The following LGR6 variants were observed in gnomAD, a reference collection of about 807,000 sequenced individuals.
LGR6 encodes the protein leucine-rich repeat-containing G protein-coupled receptor 6.
Under a neutral mutation model 69.4 loss-of-function variants are expected in LGR6, and 45 were observed. That is an observed-to-expected ratio of 0.65 (90% CI 0.51 to 0.83). The LOEUF is 0.83. LGR6 is among the 40% of genes least tolerant of loss of function. The probability of loss-of-function intolerance (pLI) is 0.00; values close to 1 mark genes in which losing one functional copy is unlikely to be tolerated. For missense variants in LGR6, 1,108 were observed against 1,246.7 expected, an observed-to-expected ratio of 0.89 and a Z score of 1.68; for synonymous variants, 538 against 555.0, an observed-to-expected ratio of 0.97 and a Z score of 0.43.
At chr1:202,249,312 T>C (rs567701642) in intron 4 of LGR6, among the ~76,000 whole-genome samples, 64 of 152,204 alleles carry the variant, frequency 4.2e-4, no homozygotes, top group Non-Finnish European at 3.4e-4. Flanking sequence ...GAGACCCCAT[T>C]CTCCTAGATC....
At chr1:202,303,419 C>T in intron 10 of LGR6, 72 bp downstream of exon 10, 2 of 1,183,920 alleles carry the variant, frequency 1.7e-6, no homozygotes, top group Admixed American at 1.7e-5. Context: ...CACTCCCTGC[C>T]CCTGGAAGGC....
intron 4 of LGR6, among the ~76,000 whole-genome samples, chr1:202,256,321 G>A (rs895650616): frequency 6.6e-6 from 1 of 152,008 alleles, no homozygotes; most frequent in Non-Finnish European, 1.5e-5. Flanking sequence ...TTGGCTCACT[G>A]CAACCACTGT....
chr1:202,300,282 T>G (rs922404077), intron 7 of LGR6, among the ~76,000 whole-genome samples: 3 of 152,200 alleles, frequency 2.0e-5, no homozygotes, highest in Admixed American at 1.3e-4. Flanking sequence ...TCCCACAGGC[T>G]TCCTGAGGCC....
intron 1 of LGR6, among the ~76,000 whole-genome samples, chr1:202,205,355 C>CACACACCTCCAAAGACACACACACACCTA (rs1392138307): frequency 1.5e-5 from 1 of 66,416 alleles, no homozygotes; most frequent in Non-Finnish European, 3.1e-5. Flanking sequence ...CCTTCAAACA[C>CACACACCTCCAAAGACACACACACACCTA]ACACACACCT....
chr1:202,200,723 G>C (rs925284685), intron 1 of LGR6, among the ~76,000 whole-genome samples: 4 of 152,210 alleles, frequency 2.6e-5, no homozygotes, highest in African/African-American at 9.6e-5. Context: ...TGACAATTCA[G>C]GTCTCTCCTC....
In LGR6 at chr1:202,237,227, T is replaced by C. The variant is rs57359291; in HGVS notation, c.428+1234T>C. ...TGCTGGGCGTCTGGCCCCAGCCCTCTCCTCTCCCTCCATCCAGCCTCACCC... is the reference window on the plus strand; with the variant it reads ...TGCTGGGCGTCTGGCCCCAGCCCTCCCCTCTCCCTCCATCCAGCCTCACCC... On this transcript the variant is annotated intron_variant, in intron 4 of 17. Transcript: ENST00000367278. 4.3e-4 allele frequency among the ~76,000 whole-genome samples: 66 copies of C among 152,210 alleles called. No homozygotes were observed. The East Asian group carries it at 8.9e-3, about 21-fold the overall frequency.
At chr1:202,254,023 T>A (rs1663536602) in intron 4 of LGR6, among the ~76,000 whole-genome samples, 1 of 151,508 alleles carries the variant, frequency 6.6e-6, no homozygotes, top group Non-Finnish European at 1.5e-5. Flanking sequence ...GCCGGGATGG[T>A]CTCGATCTCC....
chr1:202,218,510 C>T (rs1314289036), intron 1 of LGR6, among the ~76,000 whole-genome samples: 1 of 152,106 alleles, frequency 6.6e-6, no homozygotes, highest in African/African-American at 2.4e-5. Flanking sequence ...GTTGTCCAGG[C>T]TCATGGGGTG....
At chr1:202,301,588 C>T (rs934812752) in intron 9 of LGR6, among the ~76,000 whole-genome samples, 14 of 152,220 alleles carry the variant, frequency 9.2e-5, no homozygotes, top group African/African-American at 1.4e-4. Flanking sequence ...GTTCTCAAGG[C>T]TGGTTCTCCT....
chr1:202,301,301 T>C, intron 9 of LGR6, 66 bp downstream of exon 9: 1 of 1,355,284 alleles, frequency 7.4e-7, no homozygotes, highest in Non-Finnish European at 1.1e-6. Context: ...TCTTGCTCTC[T>C]CCTGCCTATC....
intron 9 of LGR6, 125 bp from the exon 10 acceptor site, chr1:202,303,154 T>G: frequency 1.3e-6 from 1 of 757,700 alleles, no homozygotes; most frequent in East Asian, 2.5e-5. Context: ...TGAGGAAGAT[T>G]GCAGGGAAGC....
intron 4 of LGR6, among the ~76,000 whole-genome samples, chr1:202,249,925 C>T (rs771991027): frequency 9.2e-5 from 14 of 152,304 alleles, no homozygotes; most frequent in South Asian, 6.2e-4. Flanking sequence ...GATCATGTCA[C>T]TCCCCTGCTT....
intron 6 of LGR6, among the ~76,000 whole-genome samples, chr1:202,287,778 A>G (rs779681786): frequency 1.3e-5 from 2 of 152,142 alleles, no homozygotes; most frequent in African/African-American, 2.4e-5. Flanking sequence ...TATATTAAGA[A>G]TCTGACCACG....
At chr1:202,204,193 A>T (rs577123243) in intron 1 of LGR6, among the ~76,000 whole-genome samples, 1 of 145,586 alleles carries the variant, frequency 6.9e-6, no homozygotes, top group Non-Finnish European at 1.5e-5. Context: ...TTGGGATCAC[A>T]TCACAGACAC....
chr1:202,201,637 A>G (rs1019956804), intron 1 of LGR6, among the ~76,000 whole-genome samples: 1 of 152,190 alleles, frequency 6.6e-6, no homozygotes, highest in African/African-American at 2.4e-5. Context: ...CCAAACTCCA[A>G]GGGAATGAGC....
Position 202,315,019 on chromosome 1 carries a change from C to T in LGR6, c.1648+137C>T. The T allele has an allele frequency of 4.6e-6, 3 of 654,038 alleles. 1 individual carries two copies. Among genetic ancestry groups the T allele is most frequent in the Non-Finnish European group, 8.3e-6 (3 of 362,758 alleles). 40.5% of individuals were successfully genotyped at this position (654,038 alleles called of 1,614,324 possible). On this transcript the variant is annotated intron_variant, in intron 17 of 17. Coordinates refer to ENST00000367278, the MANE Select transcript of LGR6 (RefSeq NM_001017403.2). ...ACTCCCAGCCTGCTGCAAGAGGGCC[C>T]TCCTTTCGTAATTCCTGGGGAAGGA...
In LGR6 at chr1:202,194,086, A is replaced by T. The variant is rs961982069; in HGVS notation, c.97A>T (p.Thr33Ser). The T allele has an allele frequency of 6.6e-7, 1 of 1,511,004 alleles. No individual in the cohort carries two copies. Among genetic ancestry groups the T allele is most frequent in the South Asian group, 1.2e-5 (1 of 80,422 alleles). 93.6% of individuals were successfully genotyped at this position (1,511,004 alleles called of 1,614,324 possible). ...GGAPQPGPGP[T>S]ACPAPCHCQE... ...CGCCCCCCAGCCCGGCCCGGGGCCC[A>T]CCGCCTGCCCGGCCCCCTGCCACTG... Residue 33 changes from threonine (T) to serine (S), a missense_variant, in exon 1 of 18, where the codon ACC becomes TCC. By Grantham distance (58) the Thr-to-Ser change is moderately conservative (BLOSUM62 1). Coordinates refer to ENST00000367278, the MANE Select transcript of LGR6 (RefSeq NM_001017403.2).
chr1:202,271,627 T>G (rs887943992), intron 4 of LGR6, among the ~76,000 whole-genome samples: 3 of 151,736 alleles, frequency 2.0e-5, no homozygotes, highest in Admixed American at 2.0e-4. Flanking sequence ...GCCAACATGG[T>G]GAAACCCTGT....
chr1:202,303,520 G>T (rs537393992), intron 10 of LGR6, among the ~76,000 whole-genome samples, 173 bp downstream of exon 10: 71 of 152,354 alleles, frequency 4.7e-4, no homozygotes, highest in African/African-American at 1.6e-3. Context: ...CACAGGCAAG[G>T]TCAGCAGGTG....
Sources: allele counts gnomAD v4.1 joint callset (sites outside exome capture counted in the v4.1 genomes callset), GRCh38; gene constraint gnomAD v4.1.1; transcripts MANE v1.5; gene names NCBI Gene and HGNC (gene_info 2026-07-23, HGNC 2026-07-21).